The following SETBP1 variants were observed in gnomAD, a reference collection of about 807,000 sequenced individuals.
SETBP1 encodes SET-binding protein.
Under a neutral mutation model 101.0 loss-of-function variants are expected in SETBP1, and 9 were observed. The observed-to-expected ratio is 0.09, with a 90% CI of 0.05 to 0.16. The LOEUF is 0.16. Ranked by LOEUF, SETBP1 falls within the 10% of genes least tolerant of loss-of-function variation. The pLI, the probability that SETBP1 is intolerant of heterozygous loss-of-function variation, is 1.00. For synonymous variants in SETBP1, 818 were observed against 788.5 expected (o/e 1.04, Z -0.63); for missense variants, 1,858 against 2,033.8 (o/e 0.91, Z 1.66).
intron 2 of SETBP1, among the ~76,000 whole-genome samples, chr18:44,790,671 T>G (rs2071350677): frequency 6.6e-6 from 1 of 152,190 alleles, no homozygotes; most frequent in African/African-American, 2.4e-5. Context: ...ATGGGGAACT[T>G]TTTGAAGACC....
At chr18:44,714,953 G>A (rs542497225) in intron 2 of SETBP1, among the ~76,000 whole-genome samples, 2 of 152,162 alleles carry the variant, frequency 1.3e-5, no homozygotes, top group South Asian at 2.1e-4. Context: ...AAGCAAAGTT[G>A]TTATTTCTCC....
intron 3 of SETBP1, among the ~76,000 whole-genome samples, chr18:44,926,226 C>T (rs2070701652): frequency 2.0e-5 from 3 of 152,116 alleles, no homozygotes. Flanking sequence ...AGCCACTGTT[C>T]CTGGCCGAAG....
chr18:44,792,861 A>G (rs1010649407), intron 2 of SETBP1, among the ~76,000 whole-genome samples: 2 of 146,540 alleles, frequency 1.4e-5, no homozygotes, highest in South Asian at 2.2e-4. Context: ...AATCTAGGAG[A>G]AAAAAAAAAA....
At chr18:44,936,172 C>A (rs1056658798) in intron 3 of SETBP1, among the ~76,000 whole-genome samples, 11 of 152,228 alleles carry the variant, frequency 7.2e-5, no homozygotes, top group African/African-American at 2.7e-4. Context: ...CTCAGAAGCC[C>A]AGCCCAGGGC....
chr18:44,755,392 C>T (rs2070468941), intron 2 of SETBP1, among the ~76,000 whole-genome samples: 1 of 152,008 alleles, frequency 6.6e-6, no homozygotes. Flanking sequence ...AGGCATCATC[C>T]AATTAGCTGG....
chr18:44,720,905 CCA>C (rs1491004733), intron 2 of SETBP1, among the ~76,000 whole-genome samples: 11 of 94,006 alleles, frequency 1.2e-4, no homozygotes, highest in African/African-American at 2.0e-4. Flanking sequence ...CCTCCAACCC[CCA>C]CCCCCCACCC....
At chr18:44,774,903 G>GT (rs199570045) in intron 2 of SETBP1, among the ~76,000 whole-genome samples, 1,727 of 142,620 alleles carry the variant, frequency 0.012, 17 homozygotes, top group Middle Eastern at 0.018. Context: ...TTTACTTGGT[G>GT]TTTTTTTTTT....
intron 5 of SETBP1, among the ~76,000 whole-genome samples, chr18:45,052,499 A>G (rs1216506283): frequency 6.6e-6 from 1 of 152,214 alleles, no homozygotes; most frequent in Non-Finnish European, 1.5e-5. Flanking sequence ...TTTTCTCACT[A>G]GGGCAGAAGA....
intron 2 of SETBP1, among the ~76,000 whole-genome samples, chr18:44,727,682 A>G (rs575664190): frequency 1.3e-5 from 2 of 152,348 alleles, no homozygotes; most frequent in South Asian, 2.1e-4. Flanking sequence ...ATAAAATCAG[A>G]TTCTCGAAGG....
intron 5 of SETBP1, among the ~76,000 whole-genome samples, chr18:45,061,427 A>G (rs1325278377): frequency 1.3e-5 from 2 of 152,092 alleles, no homozygotes; most frequent in African/African-American, 4.8e-5. Flanking sequence ...TAACTACAAA[A>G]ATTTTATTTT....
intron 2 of SETBP1, chr18:44,732,706 T>A (rs915630372): frequency 3.9e-5 from 6 of 152,222 alleles, no homozygotes; most frequent in African/African-American, 1.4e-4. Flanking sequence ...TTCAGGTCTT[T>A]TCAGGAACCT....
intron 4 of SETBP1, among the ~76,000 whole-genome samples, chr18:44,961,658 T>C (rs2145152438): frequency 6.6e-6 from 1 of 152,314 alleles, no homozygotes; most frequent in Middle Eastern, 3.4e-3. Context: ...CATGTCATAG[T>C]ATAAGGCCAA....
At chr18:45,011,546 C>T (rs2072838310) in intron 4 of SETBP1, among the ~76,000 whole-genome samples, 1 of 152,246 alleles carries the variant, frequency 6.6e-6, no homozygotes, top group Non-Finnish European at 1.5e-5. Flanking sequence ...GCTGAACAGC[C>T]TGCTCAGCAT....
Position 45,063,325 on chromosome 18 carries a change from C to T in SETBP1, c.4418C>T (p.Pro1473Leu), listed in dbSNP as rs2145593576. ...QFDEDSRDQMPVLEKCIDLPS... is the reference protein window; with the variant it reads ...QFDEDSRDQMLVLEKCIDLPS... ...GATGAGGACTCCAGAGACCAAATGCCGGTGCTGGAAAAATGCATCGACCTG... is the reference window on the plus strand; with the variant it reads ...GATGAGGACTCCAGAGACCAAATGCTGGTGCTGGAAAAATGCATCGACCTG... The change falls in exon 6 of 6, where the codon CCG becomes CTG. Residue 1473 changes from proline (P) to leucine (L), a missense_variant. By Grantham distance (98) the Pro-to-Leu change is moderately conservative (BLOSUM62 -3). Around this residue, in one of 12 missense-constraint regions of SETBP1, gnomAD observed 178 missense variants for 189.1 expected, o/e 0.94. Coordinates refer to ENST00000649279, the MANE Select transcript of SETBP1 (RefSeq NM_015559.3). The T allele has an allele frequency of 6.3e-7, 1 of 1,598,144 alleles. No individual in the cohort carries two copies. Among genetic ancestry groups the T allele is most frequent in the Admixed American group, 1.7e-5 (1 of 58,036 alleles).
At position 45,030,743 on chromosome 18, in the gene SETBP1, G is replaced by A. The variant is rs186053813; in HGVS notation, c.4001-7742G>A. On this transcript the variant is annotated intron_variant, in intron 4 of 5. Coordinates refer to ENST00000649279, the MANE Select transcript of SETBP1 (RefSeq NM_015559.3). The stretch of plus-strand genomic sequence containing the variant: ...CTTCCTCCTGGTTTAGTCTTGGGAG[G>A]GTGTATGTGTCGAGGAATTTATCCA... Among the ~76,000 whole-genome samples the A allele has an allele frequency of 7.0e-3, 962 of 136,704 alleles. 5 individuals are homozygous for A. Among genetic ancestry groups the A allele is most frequent in the African/African-American group, 0.015 (499 of 32,866 alleles). 89.7% of individuals were successfully genotyped at this position (136,704 alleles called of 152,430 possible). A position where few individuals can be genotyped will look rare whatever the true frequency, so the allele number is the denominator to read the frequency against.
intron 2 of SETBP1, among the ~76,000 whole-genome samples, chr18:44,741,307 G>T (rs2070091967): frequency 6.6e-6 from 1 of 152,162 alleles, no homozygotes; most frequent in African/African-American, 2.4e-5. Context: ...GGATAAGAGG[G>T]ATGATCAACA....
intron 3 of SETBP1, chr18:44,869,487 C>A (rs1291859862): frequency 1.1e-5 from 7 of 613,630 alleles, no homozygotes; most frequent in Non-Finnish European, 2.1e-5. Flanking sequence ...CCTCTTTCTG[C>A]TCTTTCGTTC....
chr18:44,808,241 T>A (rs2071789239), intron 2 of SETBP1, among the ~76,000 whole-genome samples: 1 of 152,178 alleles, frequency 6.6e-6, no homozygotes, highest in South Asian at 2.1e-4. Context: ...GCCATCTCTT[T>A]CCTGTTAAGA....
chr18:44,919,873 G>A (rs1396201114), intron 3 of SETBP1, among the ~76,000 whole-genome samples: 1 of 151,874 alleles, frequency 6.6e-6, no homozygotes. Context: ...ATATATCTCT[G>A]TCTGTGTAAA....
Sources: gnomAD v4.1 joint callset for allele counts (sites outside exome capture counted in the v4.1 genomes callset) on GRCh38, gnomAD v4.1.1 for gene constraint, gnomAD v4.1.1 regional missense constraint, MANE v1.5 for transcripts, NCBI Gene and HGNC (gene_info 2026-07-23, HGNC 2026-07-21) for gene names.